LRRC41: variants seen among roughly 807,000 people sequenced by gnomAD.
LRRC41 encodes leucine-rich repeat-containing protein 41.
LRRC41 carries 17 observed loss-of-function variants against 72.1 expected under a neutral mutation model. The observed-to-expected ratio is 0.24, with a 90% confidence interval of 0.16 to 0.35. The LOEUF (loss-of-function observed/expected upper bound fraction) is 0.35, where lower values mean the gene tolerates loss of function less well. LRRC41 is among the 10% of genes least tolerant of loss of function. The pLI, the probability that LRRC41 is intolerant of heterozygous loss-of-function variation, is 1.00. For synonymous variants in LRRC41, 427 were observed against 431.0 expected, an observed-to-expected ratio of 0.99 and a Z score of 0.11; for missense variants, 759 against 1,065.0, an observed-to-expected ratio of 0.71 and a Z score of 4.00.
chr1:46,289,261 C>T (rs1190630292), intron 3 of LRRC41, among the ~76,000 whole-genome samples: 2 of 152,190 alleles, frequency 1.3e-5, no homozygotes, highest in Non-Finnish European at 2.9e-5. Flanking sequence ...CTGGGTCTGC[C>T]ATTCACTAAC....
chr1:46,289,729 C>G (rs548885358), intron 3 of LRRC41, among the ~76,000 whole-genome samples: 1 of 152,164 alleles, frequency 6.6e-6, no homozygotes, highest in African/African-American at 2.4e-5. Context: ...CCACTGCACT[C>G]CAGCCTGGGC....
chr1:46,278,969 C>T lies in LRRC41; in HGVS notation c.2335G>A (p.Val779Ile). Residue 779 changes from valine to isoleucine, a missense_variant, in exon 10 of 10, where the codon GTC becomes ATC. Val to Ile is a conservative substitution (Grantham distance 29). Transcript: ENST00000617190. ...LFQNWLDQDA[V>I]TAREAIRRLR... Reference sequence around the variant, plus strand: ...CGCCGGATGGCTTCCCTGGCTGTGACTGCATCCTGGTCCAGCCAGTTTTGG... The same window carrying T: ...CGCCGGATGGCTTCCCTGGCTGTGATTGCATCCTGGTCCAGCCAGTTTTGG... 6.2e-7 allele frequency: 1 copy of T among 1,614,054 alleles called. No individual in the cohort carries two copies. Among genetic ancestry groups the T allele is most frequent in the Non-Finnish European group, 8.5e-7 (1 of 1,180,020 alleles).
Position 46,280,052 on chromosome 1 carries a change from A to T in LRRC41, c.2020+140T>A. Reference sequence around the variant, plus strand: ...AGGAATTGAGGTTGGGGCTTTTAGAAGGAAAATCATGCAGGTTCTATATCC... The same window carrying T: ...AGGAATTGAGGTTGGGGCTTTTAGATGGAAAATCATGCAGGTTCTATATCC... On this transcript the variant is annotated intron_variant, in intron 7 of 9. Coordinates refer to ENST00000617190, the MANE Select transcript of LRRC41 (RefSeq NM_006369.5). 3 of 668,668 alleles carry T rather than the reference A, an allele frequency of 4.5e-6. No homozygotes were observed. The South Asian group carries it at 5.6e-5, about 13-fold the overall frequency. The allele number at this position is 668,668 out of a possible 1,614,324, so 41.4% of individuals were successfully genotyped here.
chr1:46,290,170 T>C (rs1426944791), intron 3 of LRRC41, among the ~76,000 whole-genome samples: 2 of 152,172 alleles, frequency 1.3e-5, no homozygotes, highest in Non-Finnish European at 2.9e-5. Context: ...TACTTGGGGA[T>C]GCCAAGGTGG....
At chr1:46,294,346 A>T (rs1353007227) in intron 3 of LRRC41, among the ~76,000 whole-genome samples, 1 of 148,934 alleles carries the variant, frequency 6.7e-6, no homozygotes, top group Non-Finnish European at 1.5e-5. Context: ...AAGCTCAAGC[A>T]ATCCACCCAC....
rs1445941623 is a variant in LRRC41, at chr1:46,277,863, A to C, written c.*1002T>G. The C allele has an allele frequency of 2.5e-6, 4 of 1,613,064 alleles. No individual in the cohort carries two copies. Among genetic ancestry groups the C allele is most frequent in the East Asian group, 2.2e-5 (1 of 44,884 alleles). On this transcript the variant is annotated 3_prime_UTR_variant, in exon 10 of 10. Coordinates refer to ENST00000617190, the MANE Select transcript of LRRC41 (RefSeq NM_006369.5). Reference sequence around the variant, plus strand: ...ATCTTCCAGCGTCAGAGCCACAAGAAGGCACTGAGCAGCTGTGTGGTGGAT... The same window carrying C: ...ATCTTCCAGCGTCAGAGCCACAAGACGGCACTGAGCAGCTGTGTGGTGGAT...
Position 46,302,356 on chromosome 1 carries a change from A to C in LRRC41, c.199+768T>G, listed in dbSNP as rs1569671918. 3 of 981,168 alleles carry C rather than the reference A, an allele frequency of 3.1e-6. No homozygotes were observed. The highest frequency in any genetic ancestry group is 6.3e-5 in the Admixed American group (1 of 15,970). The allele number at this position is 981,168 out of a possible 1,614,324, so 60.8% of individuals were successfully genotyped here. A position where few individuals can be genotyped will look rare whatever the true frequency, so the allele number is the denominator to read the frequency against. On this transcript the variant is annotated intron_variant, in intron 1 of 9. Transcript: ENST00000617190. The surrounding 1 kb of genome is among the most constrained non-coding windows in gnomAD (Gnocchi z 4.7). ...TTTAAGCCGCTCCGGGCCCCCCTCCACTCGCTCTCCGGTCCCTCCTCGCCG... is the reference window on the plus strand; with the variant it reads ...TTTAAGCCGCTCCGGGCCCCCCTCCCCTCGCTCTCCGGTCCCTCCTCGCCG...
intron 1 of LRRC41, chr1:46,300,513 C>T (rs977260696): frequency 7.9e-5 from 12 of 152,084 alleles, no homozygotes; most frequent in Admixed American, 4.6e-4. Flanking sequence ...TGCTTTTACA[C>T]GAATGTAGTC....
In LRRC41 at chr1:46,302,875, G is replaced by C. The variant is rs1661273014; in HGVS notation, c.199+249C>G. On this transcript the variant is annotated intron_variant, in intron 1 of 9. Transcript: ENST00000617190. The surrounding 1 kb of genome is among the most constrained non-coding windows in gnomAD (Gnocchi z 4.7). The stretch of plus-strand genomic sequence containing the variant: ...GCCCAGCCTGCTTCGCTCCAGACCG[G>C]GCCTCCTGGCCTCGCCCCCCGCGCC... The C allele has an allele frequency of 1.0e-6, 1 of 984,950 alleles. No individual in the cohort carries two copies. Among genetic ancestry groups the C allele is most frequent in the African/African-American group, 1.8e-5 (1 of 57,120 alleles). 61.0% of individuals were successfully genotyped at this position (984,950 alleles called of 1,614,324 possible).
rs1475033030 is a variant in LRRC41 at position 46,279,063 on chromosome 1, A to C, written c.2241T>G (p.Asp747Glu). 1.2e-6 allele frequency: 2 copies of C among 1,609,836 alleles called. No homozygotes were observed. Among genetic ancestry groups the C allele is most frequent in the Non-Finnish European group, 1.7e-6 (2 of 1,177,748 alleles). ...LDISSNCIKPDGLLEFAKRLE... is the reference protein window; with the variant it reads ...LDISSNCIKPEGLLEFAKRLE... ...GCCGCTTGGCGAACTCCAGAAGCCC[A>C]TCTGGCTTGATGCAGTTGGAACTGG... The change falls in exon 10 of 10, where the codon GAT becomes GAG. Residue 747 changes from aspartate to glutamate, a missense_variant. By Grantham distance (45) the Asp-to-Glu change is conservative. Around this residue, in one of 4 missense-constraint regions of LRRC41, gnomAD observed 110 missense variants for 227.0 expected, o/e 0.48. Transcript: ENST00000617190. The surrounding 1 kb of genome is among the most constrained non-coding windows in gnomAD (Gnocchi z 4.5).
rs750217013 is a variant in LRRC41, at chr1:46,286,229, C to G, written c.628G>C (p.Ala210Pro). The G allele has an allele frequency of 1.2e-6, 2 of 1,614,266 alleles. No individual in the cohort carries two copies. The highest frequency in any genetic ancestry group is 1.7e-6 in the Non-Finnish European group (2 of 1,180,046). Residue 210 changes from alanine to proline, a missense_variant, in exon 4 of 10, where the codon GCT becomes CCT. By Grantham distance (27) the Ala-to-Pro change is conservative. This residue lies in a region of LRRC41 where 116 missense variants were observed against 250.9 expected (regional missense o/e 0.46). Coordinates refer to ENST00000617190, the MANE Select transcript of LRRC41 (RefSeq NM_006369.5). This position sits in a 1 kb window ranked among gnomAD's most constrained non-coding sequence, Gnocchi z 5.5. ...AACAGCTGCCGAAGTGACTGCTGAG[C>G]AGCCACATCAGAGAACAGCAGGTGG... ...FRHLLFSDVAAQQSLRQLLHQ... is the reference protein window; with the variant it reads ...FRHLLFSDVAPQQSLRQLLHQ...
At chr1:46,287,148 G>A (rs11211266) in intron 3 of LRRC41, among the ~76,000 whole-genome samples, 194 of 151,306 alleles carry the variant, frequency 1.3e-3, no homozygotes, top group African/African-American at 4.4e-3. Context: ...TCACTCTGTC[G>A]CCCAGGCTGG....
rs1326365445 is a variant in LRRC41 at position 46,302,392 on chromosome 1, T to C, written c.199+732A>G. 5 of 985,226 alleles carry C rather than the reference T, an allele frequency of 5.1e-6. No individual in the cohort carries two copies. The African/African-American group carries it at 8.7e-5, about 17-fold the overall frequency. The allele number at this position is 985,226 out of a possible 1,614,324, so 61.0% of individuals were successfully genotyped here. ...GGTCCCTCCTCGCCGCTCGAGCCGA[T>C]CCGAGTGGCCTCCGGCGCTCCCTGT... On this transcript the variant is annotated intron_variant, in intron 1 of 9. Transcript: ENST00000617190. This position sits in a 1 kb window ranked among gnomAD's most constrained non-coding sequence, Gnocchi z 4.7.
At chr1:46,290,930 T>G (rs957979825) in intron 3 of LRRC41, among the ~76,000 whole-genome samples, 34 of 145,568 alleles carry the variant, frequency 2.3e-4, no homozygotes, top group African/African-American at 6.5e-4. Flanking sequence ...TTTTTTTTTT[T>G]TTTTTTTTTT....
chr1:46,303,476 A>C lies in LRRC41; in HGVS notation c.-154T>G. Reference sequence around the variant, plus strand: ...TAGCACACTTTCCAAGTCTCTTAGGAGCTACTATTTTAGATAAACTCCTAG... The same window carrying C: ...TAGCACACTTTCCAAGTCTCTTAGGCGCTACTATTTTAGATAAACTCCTAG... On this transcript the variant is annotated 5_prime_UTR_variant, in exon 1 of 10. Coordinates refer to ENST00000617190, the MANE Select transcript of LRRC41 (RefSeq NM_006369.5). The C allele has an allele frequency of 2.5e-6, 2 of 805,916 alleles. No homozygotes were observed. Among genetic ancestry groups the C allele is most frequent in the South Asian group, 3.8e-5 (2 of 53,168 alleles). The allele number at this position is 805,916 out of a possible 1,614,324, so 49.9% of individuals were successfully genotyped here.
chr1:46,282,041 T>C (rs1237514793), intron 4 of LRRC41, among the ~76,000 whole-genome samples: 1 of 150,388 alleles, frequency 6.6e-6, no homozygotes, highest in African/African-American at 2.5e-5. Context: ...ATCACGCCAC[T>C]GCACTCCGGC....
rs781450380 is a variant in LRRC41 at position 46,285,543 on chromosome 1, T to A, written c.1314A>T (p.Gly438=). The change falls in exon 4 of 10, where the codon GGA becomes GGT. Residue 438 remains glycine (G), a synonymous_variant. Transcript: ENST00000617190. This position sits in a 1 kb window ranked among gnomAD's most constrained non-coding sequence, Gnocchi z 5.3. The stretch of plus-strand genomic sequence containing the variant: ...AGCTGGGATCTGATCCATCCAAAGC[T>A]CCACAAGCCACTTCCCCAATCTCCA... ...EEMEIGEVAC[G]ALDGSDPSCL... is the part of the protein sequence containing the mutation. 8.7e-6 allele frequency: 14 copies of A among 1,612,210 alleles called. No homozygotes were observed. The highest frequency in any genetic ancestry group is 8.5e-6 in the Non-Finnish European group (10 of 1,179,078).
At chr1:46,289,106 A>G (rs551232410) in intron 3 of LRRC41, among the ~76,000 whole-genome samples, 1 of 152,304 alleles carries the variant, frequency 6.6e-6, no homozygotes, top group Admixed American at 6.5e-5. Flanking sequence ...AGATAGGTAA[A>G]TACTGGACTT....
chr1:46,302,535 G>A lies in LRRC41; in HGVS notation c.199+589C>T. 1 of 984,390 alleles carries A rather than the reference G, an allele frequency of 1.0e-6. No individual in the cohort carries two copies. Among genetic ancestry groups the A allele is most frequent in the Non-Finnish European group, 1.2e-6 (1 of 829,684 alleles). 61.0% of individuals were successfully genotyped at this position (984,390 alleles called of 1,614,324 possible). A position where few individuals can be genotyped will look rare whatever the true frequency, so the allele number is the denominator to read the frequency against. On this transcript the variant is annotated intron_variant, in intron 1 of 9. Transcript: ENST00000617190. The surrounding 1 kb of genome is among the most constrained non-coding windows in gnomAD (Gnocchi z 4.7). ...CAGGCCGCGGCGCCCCGACCCTTTC[G>A]TTCGGCCTCTCCCCCTGCCCCATTC... is the stretch of plus-strand genomic sequence containing the variant.
Sources: gnomAD v4.1 joint callset for allele counts (sites outside exome capture counted in the v4.1 genomes callset) on GRCh38, gnomAD v4.1.1 for gene constraint, gnomAD v4.1.1 regional missense constraint, Gnocchi (gnomAD v3.1) non-coding constraint, MANE v1.5 for transcripts, NCBI Gene and HGNC (gene_info 2026-07-23, HGNC 2026-07-21) for gene names.